Variants in LRRC4C observed in about 807,000 individuals in gnomAD.
LRRC4C encodes leucine rich repeat containing 4C.
A neutral mutation model predicts 33.6 loss-of-function variants in LRRC4C; 5 were observed. That is an observed-to-expected ratio of 0.15 (90% CI 0.08 to 0.31). The LOEUF (loss-of-function observed/expected upper bound fraction) is 0.31, where lower values mean the gene tolerates loss of function less well. LRRC4C is among the 10% of genes least tolerant of loss of function. The pLI is 1.00. For missense variants in LRRC4C, 560 were observed against 796.7 expected, an observed-to-expected ratio of 0.70 and a Z score of 3.58; for synonymous variants, 329 against 302.0, an observed-to-expected ratio of 1.09 and a Z score of -0.93.
intron 3 of LRRC4C, among the ~76,000 whole-genome samples, chr11:40,387,003 G>T (rs922136669): frequency 2.0e-5 from 3 of 152,048 alleles, no homozygotes; most frequent in African/African-American, 7.2e-5. Flanking sequence ...AGTTAATAAT[G>T]ATGCAATTTA....
rs187692632 is a variant in LRRC4C, at chr11:40,846,338, C to T, written c.-407+87297G>A. 4.6e-3 allele frequency among the ~76,000 whole-genome samples: 699 copies of T among 152,200 alleles called. 1 individual carries two copies. Among genetic ancestry groups the T allele is most frequent in the Non-Finnish European group, 6.9e-3 (467 of 68,014 alleles). On this transcript the variant is annotated intron_variant, in intron 2 of 6. Transcript: ENST00000528697. ...TCTCACATTTAAGTCTTTAATCCATCTTAAGTTAATGTTTGTATGAGGTGT... is the reference window on the plus strand; with the variant it reads ...TCTCACATTTAAGTCTTTAATCCATTTTAAGTTAATGTTTGTATGAGGTGT...
At chr11:40,850,367 T>C (rs7947907) in intron 2 of LRRC4C, among the ~76,000 whole-genome samples, 91,387 of 152,032 alleles carry the variant, frequency 0.6, 32,049 homozygotes, top group East Asian at 0.86. Context: ...TTCTGTTTGT[T>C]AGTTTTTCTT....
intron 2 of LRRC4C, among the ~76,000 whole-genome samples, chr11:40,754,035 A>G (rs1009621477): frequency 1.3e-5 from 2 of 151,956 alleles, no homozygotes; most frequent in Non-Finnish European, 2.9e-5. Context: ...CTGCTTATTC[A>G]TTTAAAAATA....
rs902533884 is a variant in LRRC4C at position 41,108,675 on chromosome 11, C to T, written c.-495-174952G>A. On this transcript the variant is annotated intron_variant, in intron 1 of 6. Transcript: ENST00000528697. ...TGAAACCAATAGTATTTTGCTAATTCTGAAAGCTTCACATTTTGTTTAAAT... is the reference window on the plus strand; with the variant it reads ...TGAAACCAATAGTATTTTGCTAATTTTGAAAGCTTCACATTTTGTTTAAAT... 2.6e-5 allele frequency among the ~76,000 whole-genome samples: 4 copies of T among 152,156 alleles called. No individual in the cohort carries two copies. The East Asian group carries it at 7.7e-4, about 29-fold the overall frequency.
intron 2 of LRRC4C, among the ~76,000 whole-genome samples, chr11:40,749,648 TAA>T (rs112673026): frequency 3.2e-4 from 44 of 135,584 alleles, no homozygotes; most frequent in African/African-American, 1.1e-3. Context: ...TAAAAGAGAC[TAA>T]AAAAAAAAAG....
intron 3 of LRRC4C, among the ~76,000 whole-genome samples, chr11:40,370,424 A>C (rs1277352503): frequency 6.6e-6 from 1 of 152,244 alleles, no homozygotes; most frequent in Non-Finnish European, 1.5e-5. Flanking sequence ...TTTTATAGTT[A>C]ATTCAACCAT....
At chr11:40,659,395 C>G (rs887188479) in intron 2 of LRRC4C, among the ~76,000 whole-genome samples, 8 of 152,084 alleles carry the variant, frequency 5.3e-5, no homozygotes, top group African/African-American at 1.9e-4. Flanking sequence ...CTGGTGAAAC[C>G]CTACCTTCAA....
At chr11:41,150,168 C>T (rs549035491) in intron 1 of LRRC4C, among the ~76,000 whole-genome samples, 35 of 152,242 alleles carry the variant, frequency 2.3e-4, no homozygotes, top group African/African-American at 7.5e-4. Flanking sequence ...CATTTTCTTA[C>T]GACTCAACCA....
chr11:41,092,474 T>C (rs1484199968), intron 1 of LRRC4C, among the ~76,000 whole-genome samples: 1 of 152,188 alleles, frequency 6.6e-6, no homozygotes, highest in Non-Finnish European at 1.5e-5. Context: ...CAGTGAATGA[T>C]CAACATCTTT....
intron 1 of LRRC4C, among the ~76,000 whole-genome samples, chr11:41,124,305 G>A (rs996318908): frequency 6.6e-6 from 1 of 152,092 alleles, no homozygotes; most frequent in African/African-American, 2.4e-5. Flanking sequence ...TAAGTGGAAC[G>A]CCATGATTAA....
At chr11:41,445,932 A>T (rs1955811823) in intron 1 of LRRC4C, among the ~76,000 whole-genome samples, 1 of 150,090 alleles carries the variant, frequency 6.7e-6, no homozygotes, top group Admixed American at 6.7e-5. Flanking sequence ...GTTTGGGGAA[A>T]ATGTGTTTCC....
chr11:40,855,803 T>G (rs2135785797), intron 2 of LRRC4C, among the ~76,000 whole-genome samples: 1 of 152,212 alleles, frequency 6.6e-6, no homozygotes, highest in Admixed American at 6.5e-5. Flanking sequence ...TTTATAAACT[T>G]AACTTAAAGG....
chr11:40,452,245 C>G (rs1951920746), intron 3 of LRRC4C, among the ~76,000 whole-genome samples: 1 of 152,086 alleles, frequency 6.6e-6, no homozygotes, highest in Non-Finnish European at 1.5e-5. Context: ...GAACAGGCAA[C>G]CTACAGAATG....
At chr11:40,171,010 T>G in intron 5 of LRRC4C, among the ~76,000 whole-genome samples, 1 of 152,206 alleles carries the variant, frequency 6.6e-6, no homozygotes. Flanking sequence ...CCAGAGCATT[T>G]ACAGTGAGGG....
chr11:40,196,183 T>C (rs1271183140), intron 5 of LRRC4C, among the ~76,000 whole-genome samples: 2 of 152,172 alleles, frequency 1.3e-5, no homozygotes, highest in African/African-American at 4.8e-5. Flanking sequence ...CAGGCTTTAA[T>C]AGAGAAGGCT....
intron 1 of LRRC4C, among the ~76,000 whole-genome samples, chr11:41,193,983 TCTC>T (rs1946075337): frequency 1.3e-5 from 2 of 151,840 alleles, no homozygotes; most frequent in Non-Finnish European, 2.9e-5. Context: ...TCCCCTTCCA[TCTC>T]CTCCATCTCT....
intron 1 of LRRC4C, among the ~76,000 whole-genome samples, chr11:41,181,900 G>GA (rs1006497664): frequency 1.3e-5 from 2 of 151,720 alleles, no homozygotes; most frequent in Non-Finnish European, 2.9e-5. Context: ...TTTTAAAGAG[G>GA]AAAAAAAGAC....
At chr11:40,592,021 G>C (rs1959080747) in intron 3 of LRRC4C, among the ~76,000 whole-genome samples, 1 of 149,984 alleles carries the variant, frequency 6.7e-6, no homozygotes, top group Non-Finnish European at 1.5e-5. Flanking sequence ...CCCAATTCAT[G>C]AATCACTATT....
chr11:40,612,504 C>A (rs776293484), intron 3 of LRRC4C, among the ~76,000 whole-genome samples: 2 of 151,818 alleles, frequency 1.3e-5, no homozygotes, highest in African/African-American at 4.8e-5. Context: ...GTGTACTGTA[C>A]ATTTAAACAG....
Sources: gnomAD v4.1 joint callset for allele counts (sites outside exome capture counted in the v4.1 genomes callset) on GRCh38, gnomAD v4.1.1 for gene constraint, MANE v1.5 for transcripts, NCBI Gene and HGNC (gene_info 2026-07-23, HGNC 2026-07-21) for gene names.